Variants in TARS2 observed in about 807,000 individuals in gnomAD.
TARS2 encodes threonine--tRNA ligase, mitochondrial.
TARS2 carries 61 observed loss-of-function variants against 94.4 expected under a neutral mutation model. That is an observed-to-expected ratio of 0.65 (90% CI 0.53 to 0.80). The LOEUF is 0.80. Ranked by LOEUF, TARS2 falls within the 30% of genes least tolerant of loss-of-function variation. The probability of loss-of-function intolerance (pLI) is 0.00; values close to 1 mark genes in which losing one functional copy is unlikely to be tolerated. For synonymous variants in TARS2, 359 were observed against 353.4 expected (o/e 1.02, Z -0.18); for missense variants, 704 against 902.5 (o/e 0.78, Z 2.82).
chr1:150,487,813 G>C lies in TARS2; in HGVS notation c.67-45G>C, dbSNP rs764666242. ...TGCCATCATCTGCAATTCTAAGAAA[G>C]AATGATGGGACGTGTGTTACCTGCT... On this transcript the variant is annotated intron_variant, in intron 1 of 17. Transcript: ENST00000369064. 12 of 1,584,716 alleles carry C rather than the reference G, an allele frequency of 7.6e-6. No homozygotes were observed. In the South Asian group the frequency reaches 1.1e-4, roughly 15 times the overall value.
chr1:150,489,414 A>C, intron 3 of TARS2: 1 of 357,292 alleles, frequency 2.8e-6, no homozygotes, highest in Non-Finnish European at 5.4e-6. Context: ...CAATTCTAAC[A>C]TGGCTTATAC....
At position 150,498,657 on chromosome 1, in the gene TARS2, C is replaced by G. The variant is rs1260204213; in HGVS notation, c.1394C>G (p.Thr465Arg). The G allele has an allele frequency of 1.2e-6, 2 of 1,613,482 alleles. No individual in the cohort carries two copies. Among genetic ancestry groups the G allele is most frequent in the African/African-American group, 1.3e-5 (1 of 75,012 alleles). The change falls in exon 11 of 18, where the codon ACA becomes AGA. Residue 465 changes from threonine to arginine, a missense_variant. Around this residue, in one of 3 missense-constraint regions of TARS2, gnomAD observed 466 missense variants for 609.5 expected, o/e 0.76. Transcript: ENST00000369064. The stretch of plus-strand genomic sequence containing the variant: ...GATGACGCTCACATCTTCTGTACAA[C>G]AGATCAGGTGGCCTTTCCCTGGCTC... Reference protein sequence around the residue: ...QQDDAHIFCTTDQLEAEIQSC... With the variant: ...QQDDAHIFCTRDQLEAEIQSC...
intron 13 of TARS2, among the ~76,000 whole-genome samples, chr1:150,503,665 A>ATATATGTG (rs1670058943): frequency 1.3e-5 from 2 of 149,526 alleles, no homozygotes; most frequent in Admixed American, 1.3e-4. Flanking sequence ...ATATGTGTGT[A>ATATATGTG]TATATGTGTG....
rs1478024102 is a variant in TARS2, at chr1:150,507,285, T to C, written c.*221T>C. ...GAATGAAACTACAAAAAAAAATAAA[T>C]TGGGCCAGGCGCAGTGGCTCATGCC... On this transcript the variant is annotated 3_prime_UTR_variant, in exon 18 of 18. Transcript: ENST00000369064. 2 of 557,206 alleles carry C rather than the reference T, an allele frequency of 3.6e-6. No homozygotes were observed. The highest frequency in any genetic ancestry group is 3.4e-5 in the East Asian group (1 of 29,310). 34.5% of individuals were successfully genotyped at this position (557,206 alleles called of 1,614,324 possible).
chr1:150,504,522 C>T, intron 14 of TARS2, 87 bp downstream of exon 14: 1 of 1,569,036 alleles, frequency 6.4e-7, no homozygotes, highest in Non-Finnish European at 8.8e-7. Context: ...AAACCCTCCA[C>T]ACCCTCTCCT....
chr1:150,488,813 C>A, intron 2 of TARS2, 151 bp from the exon 3 acceptor site: 2 of 1,188,888 alleles, frequency 1.7e-6, no homozygotes, highest in Non-Finnish European at 2.3e-6. Context: ...CCTCCCCCAT[C>A]CTTTCCAGCC....
At chr1:150,502,385 ATTTT>A (rs745871348) in intron 13 of TARS2, among the ~76,000 whole-genome samples, 2 of 122,850 alleles carry the variant, frequency 1.6e-5, no homozygotes, top group Admixed American at 8.9e-5. Flanking sequence ...CGCCCAGCTA[ATTTT>A]TTTTTTTTTT....
In TARS2 at chr1:150,489,248, G is replaced by A. The variant is rs1669276143; in HGVS notation, c.387+161G>A. The stretch of plus-strand genomic sequence containing the variant: ...ACTATTTCTGGTTAGGAAACTTATG[G>A]TGAAAGTTTTTAACTTAGCTTCGAT... On this transcript the variant is annotated intron_variant, in intron 3 of 17. Transcript: ENST00000369064. 3.7e-6 allele frequency: 4 copies of A among 1,080,892 alleles called. No homozygotes were observed. In the South Asian group the frequency reaches 4.1e-5, roughly 11 times the overall value. The allele number at this position is 1,080,892 out of a possible 1,614,324, so 67.0% of individuals were successfully genotyped here. A position where few individuals can be genotyped will look rare whatever the true frequency, so the allele number is the denominator to read the frequency against.
rs1360078558 is a variant in TARS2 at position 150,492,400 on chromosome 1, C to G, written c.696-11C>G. 7 of 1,613,820 alleles carry G rather than the reference C, an allele frequency of 4.3e-6. No homozygotes were observed. Among genetic ancestry groups the G allele is most frequent in the Middle Eastern group, 1.6e-4 (1 of 6,082 alleles). On this transcript the variant is annotated splice_polypyrimidine_tract_variant and intron_variant, in intron 6 of 17. Transcript: ENST00000369064. ...TCTGAAAATCACTAACTGGCCTCTTCTTTCTCCTAGGTGTGGCACATTGGT... is the reference window on the plus strand; with the variant it reads ...TCTGAAAATCACTAACTGGCCTCTTGTTTCTCCTAGGTGTGGCACATTGGT...
Position 150,490,697 on chromosome 1 carries a change from T to C in TARS2, c.484T>C (p.Tyr162His), listed in dbSNP as rs1158816668. ...AGGTCCAAGTACAGAATATGGCTTT[T>C]ACCATGATTTCTTCCTGGGAAAGGA... is the stretch of plus-strand genomic sequence containing the variant. ...CRGPSTEYGF[Y>H]HDFFLGKERT... Residue 162 changes from tyrosine to histidine, a missense_variant, in exon 4 of 18, where the codon TAC (tyrosine) becomes CAC (histidine). Coordinates refer to ENST00000369064, the MANE Select transcript of TARS2 (RefSeq NM_025150.5). 1 of 1,613,816 alleles carries C rather than the reference T, an allele frequency of 6.2e-7. No individual in the cohort carries two copies. The highest frequency in any genetic ancestry group is 8.5e-7 in the Non-Finnish European group (1 of 1,180,004).
intron 1 of TARS2, 79 bp downstream of exon 1, chr1:150,487,595 G>C: frequency 6.3e-7 from 1 of 1,577,124 alleles, no homozygotes; most frequent in Non-Finnish European, 8.7e-7. Flanking sequence ...TGTTAACCCA[G>C]CCTCACGCCA....
Position 150,491,439 on chromosome 1 carries a change from G to A in TARS2, c.558G>A (p.Gln186=), listed in dbSNP as rs765531914. 1 of 1,613,810 alleles carries A rather than the reference G, an allele frequency of 6.2e-7. No individual in the cohort carries two copies. The highest frequency in any genetic ancestry group is 1.7e-5 in the Admixed American group (1 of 60,008). Residue 186 remains glutamine (Q), a synonymous_variant, in exon 5 of 18, where the codon CAG becomes CAA. Coordinates refer to ENST00000369064, the MANE Select transcript of TARS2 (RefSeq NM_025150.5). ...SELPVLERIC[Q]ELTAAARPFR... ...TGCCTGTTTTGGAGCGGATTTGCCA[G>A]GAACTTACAGCTGCTGCTCGACCCT...
chr1:150,504,721 G>T lies in TARS2; in HGVS notation c.1808G>T (p.Cys603Phe). The T allele has an allele frequency of 6.2e-7, 1 of 1,614,222 alleles. No individual in the cohort carries two copies. ...ERLLGVLAES[C>F]GGKWPLWLSP... is the part of the protein sequence containing the mutation. ...CTGTTGGGAGTGCTGGCAGAAAGCT[G>T]CGGGGGGAAATGGTGAGACCTCTGA... Residue 603 changes from cysteine to phenylalanine, a missense_variant, in exon 15 of 18, where the codon TGC (cysteine) becomes TTC (phenylalanine). This residue lies in a region of TARS2 where 466 missense variants were observed against 609.5 expected (regional missense o/e 0.76). Coordinates refer to ENST00000369064, the MANE Select transcript of TARS2 (RefSeq NM_025150.5).
intron 15 of TARS2, 44 bp downstream of exon 15, chr1:150,504,777 T>C: frequency 6.2e-7 from 1 of 1,611,108 alleles, no homozygotes; most frequent in Non-Finnish European, 8.5e-7. Context: ...CCAAACCGGA[T>C]AGTTATGCTC....
chr1:150,493,724 G>C (rs1376621325), intron 7 of TARS2, among the ~76,000 whole-genome samples: 1 of 151,124 alleles, frequency 6.6e-6, no homozygotes, highest in Non-Finnish European at 1.5e-5. Context: ...TTGCACTCTA[G>C]CCTGGGCAAC....
At chr1:150,503,337 G>A (rs976084362) in intron 13 of TARS2, among the ~76,000 whole-genome samples, 1 of 152,098 alleles carries the variant, frequency 6.6e-6, no homozygotes, top group African/African-American at 2.4e-5. Context: ...AGGGGCCTGA[G>A]GATGGGAGAG....
chr1:150,503,218 C>T (rs760118470), intron 13 of TARS2, among the ~76,000 whole-genome samples: 1 of 152,154 alleles, frequency 6.6e-6, no homozygotes, highest in Non-Finnish European at 1.5e-5. Flanking sequence ...CTGAGCAGTT[C>T]TCTTGCAGGG....
At chr1:150,506,574 GACACACACAC>G (rs59687878) in intron 17 of TARS2, among the ~76,000 whole-genome samples, 14 of 109,050 alleles carry the variant, frequency 1.3e-4, no homozygotes, top group Admixed American at 5.9e-4. Flanking sequence ...TAATGTCTCT[GACACACACAC>G]ACACACACAC....
intron 2 of TARS2, chr1:150,488,721 C>T: frequency 2.6e-6 from 1 of 391,048 alleles, no homozygotes; most frequent in Non-Finnish European, 4.6e-6. Context: ...ACTGTATTCA[C>T]CCAACTCTGC....
Sources: allele counts gnomAD v4.1 joint callset (sites outside exome capture counted in the v4.1 genomes callset), GRCh38; gene constraint gnomAD v4.1.1; regional missense constraint gnomAD v4.1.1; transcripts MANE v1.5; gene names NCBI Gene and HGNC (gene_info 2026-07-23, HGNC 2026-07-21).